Variants in MYO6 observed in about 807,000 individuals in gnomAD.
MYO6 encodes the protein unconventional myosin-VI.
MYO6 carries 74 observed loss-of-function variants against 178.7 expected under a neutral mutation model. That is an observed-to-expected ratio of 0.41 (90% CI 0.34 to 0.50). MYO6 has a LOEUF of 0.50. Ranked by LOEUF, MYO6 falls within the 20% of genes least tolerant of loss-of-function variation. MYO6 has a pLI of 0.09. For missense variants in MYO6, 1,330 were observed against 1,547.4 expected (o/e 0.86, Z 2.36); for synonymous variants, 477 against 504.6 (o/e 0.95, Z 0.73).
intron 1 of MYO6, among the ~76,000 whole-genome samples, chr6:75,788,882 A>C (rs1767949015): frequency 1.3e-5 from 2 of 152,224 alleles, no homozygotes; most frequent in South Asian, 4.1e-4. Context: ...TTAAGGAATT[A>C]AGGTGGAATT....
intron 19 of MYO6, among the ~76,000 whole-genome samples, chr6:75,871,404 C>T (rs1353704262): frequency 6.6e-6 from 1 of 152,140 alleles, no homozygotes; most frequent in Non-Finnish European, 1.5e-5. Context: ...CATGTACCAC[C>T]ACTCCTGGCT....
chr6:75,789,113 C>T (rs1767971640), intron 1 of MYO6, among the ~76,000 whole-genome samples: 1 of 152,124 alleles, frequency 6.6e-6, no homozygotes, highest in East Asian at 1.9e-4. Context: ...TTTCAGGTTA[C>T]CAACCTCAAA....
intron 1 of MYO6, among the ~76,000 whole-genome samples, chr6:75,799,825 A>C (rs374825761): frequency 2.6e-5 from 4 of 152,240 alleles, no homozygotes. Context: ...GTGCTTTGGG[A>C]TAGAAGCATA....
rs1206559516 is a variant in MYO6 at position 75,771,228 on chromosome 6, C to T, written c.-48+21805C>T. ...TGTTGTCCAGGCTTGTCTCAAACTCCTAAGCTCAAGTGATCTGGCCGCCTT... is the reference window on the plus strand; with the variant it reads ...TGTTGTCCAGGCTTGTCTCAAACTCTTAAGCTCAAGTGATCTGGCCGCCTT... On this transcript the variant is annotated intron_variant, in intron 1 of 34. Coordinates refer to ENST00000369977, the MANE Select transcript of MYO6 (RefSeq NM_004999.4). 4.6e-5 allele frequency among the ~76,000 whole-genome samples: 7 copies of T among 152,202 alleles called. No individual in the cohort carries two copies. The East Asian group carries it at 1.2e-3, about 25-fold the overall frequency.
intron 1 of MYO6, among the ~76,000 whole-genome samples, chr6:75,759,058 CGGGGTT>C (rs1400054160): frequency 4.0e-5 from 6 of 151,546 alleles, no homozygotes; most frequent in Non-Finnish European, 5.9e-5. Flanking sequence ...TTAGTGGAGA[CGGGGTT>C]TCACCATGTT....
At chr6:75,865,223 C>T (rs1776548970) in intron 16 of MYO6, 1 of 151,890 alleles carries the variant, frequency 6.6e-6, no homozygotes, top group Admixed American at 6.6e-5. Context: ...TCCCAAAGTG[C>T]TGGAATTATA....
intron 3 of MYO6, 68 bp downstream of exon 3, chr6:75,822,919 A>G: frequency 8.1e-7 from 1 of 1,239,184 alleles, no homozygotes. Flanking sequence ...AAAATAAATT[A>G]GTGGTTATAT....
At chr6:75,820,885 C>T (rs913952297) in intron 2 of MYO6, among the ~76,000 whole-genome samples, 1 of 152,154 alleles carries the variant, frequency 6.6e-6, no homozygotes, top group Non-Finnish European at 1.5e-5. Context: ...TTTGTCTCTC[C>T]CTCCCTACTA....
At chr6:75,792,951 A>T (rs912346175) in intron 1 of MYO6, among the ~76,000 whole-genome samples, 12 of 147,176 alleles carry the variant, frequency 8.2e-5, no homozygotes, top group South Asian at 2.2e-4. Flanking sequence ...ACCCAGCTAA[A>T]TTTTTTTTTT....
Position 75,916,561 on chromosome 6 carries a change from T to C in MYO6, c.*1549T>C, listed in dbSNP as rs1325257121. 3 of 152,650 alleles carry C rather than the reference T, an allele frequency of 2.0e-5. No individual in the cohort carries two copies. Among genetic ancestry groups the C allele is most frequent in the Admixed American group, 6.5e-5 (1 of 15,278 alleles). The allele number at this position is 152,650 out of a possible 1,614,324, so 9.5% of individuals were successfully genotyped here. A position where few individuals can be genotyped will look rare whatever the true frequency, so the allele number is the denominator to read the frequency against. On this transcript the variant is annotated 3_prime_UTR_variant, in exon 35 of 35. Coordinates refer to ENST00000369977, the MANE Select transcript of MYO6 (RefSeq NM_004999.4). ...CCCTCGGGTCATTTCGTCCCTGTGA[T>C]TGGGGACAGAAGGTGTAGCTACTGA...
chr6:75,773,403 T>A (rs1312412449), intron 1 of MYO6, among the ~76,000 whole-genome samples: 1 of 152,190 alleles, frequency 6.6e-6, no homozygotes, highest in East Asian at 1.9e-4. Flanking sequence ...GAAATAAGAC[T>A]AATGAGGTGA....
intron 16 of MYO6, among the ~76,000 whole-genome samples, chr6:75,864,621 G>T (rs1414332299): frequency 1.3e-5 from 2 of 152,090 alleles, no homozygotes; most frequent in Non-Finnish European, 2.9e-5. Flanking sequence ...GACTTACCAG[G>T]GGCACTAATT....
chr6:75,812,379 C>T lies in MYO6; in HGVS notation c.-47-5122C>T, dbSNP rs1288969964. Among the ~76,000 whole-genome samples the T allele has an allele frequency of 9.2e-5, 14 of 152,084 alleles. No homozygotes were observed. In the East Asian group the frequency reaches 1.5e-3, roughly 17 times the overall value. On this transcript the variant is annotated intron_variant, in intron 1 of 34. Coordinates refer to ENST00000369977, the MANE Select transcript of MYO6 (RefSeq NM_004999.4). The stretch of plus-strand genomic sequence containing the variant: ...GGTACATGAGATATTTTGATACAGG[C>T]GTACAGTGTGCCATAATCACATTGG...
chr6:75,877,048 C>T (rs1777617381), intron 20 of MYO6, among the ~76,000 whole-genome samples: 1 of 151,380 alleles, frequency 6.6e-6, no homozygotes, highest in Non-Finnish European at 1.5e-5. Context: ...GCTCTTGGCT[C>T]ACCACCGTAA....
intron 28 of MYO6, among the ~76,000 whole-genome samples, chr6:75,894,075 G>C: frequency 6.6e-6 from 1 of 152,208 alleles, no homozygotes; most frequent in South Asian, 2.1e-4. Flanking sequence ...TATTATGGCA[G>C]AAGTCAATTT....
intron 1 of MYO6, among the ~76,000 whole-genome samples, chr6:75,769,396 A>G (rs1285236004): frequency 1.3e-5 from 2 of 152,222 alleles, no homozygotes; most frequent in South Asian, 2.1e-4. Flanking sequence ...CAGTGAGGGT[A>G]CAGGCTTTGG....
intron 7 of MYO6, among the ~76,000 whole-genome samples, chr6:75,838,130 G>A (rs1773838121): frequency 6.7e-6 from 1 of 150,282 alleles, no homozygotes; most frequent in African/African-American, 2.5e-5. Flanking sequence ...TTGGCTCACT[G>A]TAACCTCTGT....
At chr6:75,902,745 A>G (rs1025356744) in intron 30 of MYO6, among the ~76,000 whole-genome samples, 1 of 149,504 alleles carries the variant, frequency 6.7e-6, no homozygotes, top group African/African-American at 2.5e-5. Flanking sequence ...CTCTGATTTT[A>G]GTTATTTCTT....
At chr6:75,861,124 A>G (rs1295593330) in intron 15 of MYO6, 29 bp downstream of exon 15, 1 of 1,503,034 alleles carries the variant, frequency 6.7e-7, no homozygotes, top group East Asian at 2.3e-5. Context: ...CACCTTTGAA[A>G]AATATAGGAA....
Sources: gnomAD v4.1 joint callset for allele counts (sites outside exome capture counted in the v4.1 genomes callset) on GRCh38, gnomAD v4.1.1 for gene constraint, MANE v1.5 for transcripts, NCBI Gene and HGNC (gene_info 2026-07-23, HGNC 2026-07-21) for gene names.